CFAP44: variants seen among roughly 807,000 people sequenced by gnomAD.
The protein encoded by CFAP44 is cilia and flagella associated protein 44, also known as cilia- and flagella-associated protein 44.
Under a neutral mutation model 216.2 loss-of-function variants are expected in CFAP44, and 134 were observed. The observed-to-expected ratio is 0.62, with a 90% CI of 0.54 to 0.72. CFAP44 has a LOEUF of 0.72. Among genes scored for constraint, CFAP44 ranks in the 30% least tolerant of loss-of-function variants. CFAP44 has a pLI of 0.00. For missense variants in CFAP44, 2,035 were observed against 2,182.1 expected, an observed-to-expected ratio of 0.93 and a Z score of 1.34; for synonymous variants, 700 against 727.6, an observed-to-expected ratio of 0.96 and a Z score of 0.61.
At chr3:113,379,134 C>T (rs1197379143) in intron 17 of CFAP44, among the ~76,000 whole-genome samples, 172 bp downstream of exon 17, 1 of 151,802 alleles carries the variant, frequency 6.6e-6, no homozygotes, top group Non-Finnish European at 1.5e-5. Context: ...CAACTATATC[C>T]CACATTCATT....
chr3:113,386,644 T>C (rs1933656783), intron 15 of CFAP44, among the ~76,000 whole-genome samples: 1 of 152,166 alleles, frequency 6.6e-6, no homozygotes, highest in Admixed American at 6.5e-5. Context: ...CAGAGCAAGA[T>C]GGCTGATTAG....
Position 113,427,444 on chromosome 3 carries a change from TAATA to T in CFAP44, c.101-109_101-106del, listed in dbSNP as rs1266423383. ...CCTTGTGCTATAGATGTAATAAATC[TAATA>T]CATACTCAAAAATTTCTAGAAGAAT... On this transcript the variant is annotated intron_variant, in intron 2 of 34. Transcript: ENST00000393845. 1.8e-5 allele frequency: 14 copies of T among 773,334 alleles called. No homozygotes were observed. The Admixed American group carries it at 4.5e-4, about 25-fold the overall frequency. 47.9% of individuals were successfully genotyped at this position (773,334 alleles called of 1,614,324 possible).
chr3:113,328,713 A>ACAAAAC (rs1950213515), intron 26 of CFAP44, among the ~76,000 whole-genome samples: 1 of 149,354 alleles, frequency 6.7e-6, no homozygotes, highest in African/African-American at 2.5e-5. Context: ...AAAAAAAAAA[A>ACAAAAC]AAAAAAAAAA....
intron 5 of CFAP44, among the ~76,000 whole-genome samples, chr3:113,418,570 C>T (rs561166655): frequency 2.0e-5 from 3 of 152,154 alleles, no homozygotes; most frequent in Admixed American, 6.5e-5. Flanking sequence ...TGAGGTAACA[C>T]GGACAGTGGA....
intron 4 of CFAP44, 62 bp from the exon 5 acceptor site, chr3:113,420,241 T>G (rs1025894381): frequency 1.4e-6 from 2 of 1,459,260 alleles, no homozygotes; most frequent in Non-Finnish European, 1.8e-6. Context: ...ATTGGAAAAG[T>G]GATGAAATAA....
chr3:113,361,586 C>T (rs1464359958), intron 21 of CFAP44, among the ~76,000 whole-genome samples: 1 of 151,406 alleles, frequency 6.6e-6, no homozygotes, highest in African/African-American at 2.4e-5. Flanking sequence ...ACTCCACCTC[C>T]CAGGTTTCAC....
intron 22 of CFAP44, among the ~76,000 whole-genome samples, chr3:113,357,251 T>C (rs1425060420): frequency 3.3e-5 from 5 of 152,168 alleles, no homozygotes; most frequent in African/African-American, 7.2e-5. Context: ...CAAAAAGCTA[T>C]GTTGAGGCCC....
intron 30 of CFAP44, among the ~76,000 whole-genome samples, chr3:113,305,428 T>C (rs919978439): frequency 1.6e-4 from 24 of 152,342 alleles, no homozygotes; most frequent in African/African-American, 5.3e-4. Context: ...ATCTCCCTTT[T>C]ATTTTCTGCA....
Position 113,352,190 on chromosome 3 carries a change from G to A in CFAP44, c.3065+6555C>T, listed in dbSNP as rs562451011. Among the ~76,000 whole-genome samples, 79 of 152,286 alleles carry A rather than the reference G, an allele frequency of 5.2e-4. 1 individual carries two copies. Among genetic ancestry groups the A allele is most frequent in the Non-Finnish European group, 4.9e-4 (33 of 68,014 alleles). ...TGTGTCTAGCTAAAAGATTGTAAAT[G>A]CACAATCAGCACTCTGTAAAATGGA... On this transcript the variant is annotated intron_variant, in intron 22 of 34. Coordinates refer to ENST00000393845, the MANE Select transcript of CFAP44 (RefSeq NM_001164496.2).
chr3:113,389,124 TC>T (rs1440570716), intron 15 of CFAP44, among the ~76,000 whole-genome samples: 3 of 152,140 alleles, frequency 2.0e-5, no homozygotes, highest in African/African-American at 7.2e-5. Context: ...CATATGTTAG[TC>T]CACAAAACAA....
intron 17 of CFAP44, among the ~76,000 whole-genome samples, chr3:113,376,692 G>A (rs941456366): frequency 2.0e-4 from 30 of 152,164 alleles, no homozygotes; most frequent in African/African-American, 7.2e-4. Context: ...TATCCCAACT[G>A]GAATGGGTTG....
chr3:113,440,250 C>A (rs1460207636), intron 1 of CFAP44, among the ~76,000 whole-genome samples: 2 of 152,002 alleles, frequency 1.3e-5, no homozygotes, highest in South Asian at 4.2e-4. Context: ...TTTTAGTAGA[C>A]GGGTTTCCCC....
At chr3:113,366,486 G>A (rs1423626521) in intron 18 of CFAP44, among the ~76,000 whole-genome samples, 177 bp from the exon 19 acceptor site, 1 of 152,142 alleles carries the variant, frequency 6.6e-6, no homozygotes, top group Non-Finnish European at 1.5e-5. Context: ...ACTGCATTGT[G>A]ATAGGGCTTT....
intron 5 of CFAP44, 122 bp from the exon 6 acceptor site, chr3:113,416,749 T>A: frequency 1.6e-6 from 1 of 621,990 alleles, no homozygotes; most frequent in Non-Finnish European, 2.7e-6. Context: ...AATAGAAAAC[T>A]CAAAAATGGG....
At chr3:113,360,791 A>G (rs1229631760) in intron 21 of CFAP44, 2 of 163,086 alleles carry the variant, frequency 1.2e-5, no homozygotes, top group Admixed American at 1.3e-4. Context: ...GGATGAACAC[A>G]GTGCAGGGCA....
At chr3:113,421,215 G>T (rs1325549439) in intron 4 of CFAP44, among the ~76,000 whole-genome samples, 1 of 152,118 alleles carries the variant, frequency 6.6e-6, no homozygotes, top group Non-Finnish European at 1.5e-5. Context: ...AAGAAGACAT[G>T]CAAGCGACCA....
intron 2 of CFAP44, among the ~76,000 whole-genome samples, chr3:113,433,061 A>G (rs1472600320): frequency 1.3e-5 from 2 of 152,058 alleles, no homozygotes; most frequent in South Asian, 4.2e-4. Context: ...GACCATATGT[A>G]GTCCTTTTTC....
In CFAP44 at chr3:113,410,827, AATGATCACCATTCTAAC is replaced by A. The variant is rs540567889; in HGVS notation, c.674-1522_674-1506del. On this transcript the variant is annotated intron_variant, in intron 6 of 34. Coordinates refer to ENST00000393845, the MANE Select transcript of CFAP44 (RefSeq NM_001164496.2). ...AGCATCTGTTGTTTCCTGACTTTTT[AATGATCACCATTCTAAC>A]TGGTGTGAGATGGTATCTCATTGTG... Among the ~76,000 whole-genome samples the A allele has an allele frequency of 3.4e-3, 512 of 152,252 alleles. 2 individuals carry two copies. The highest frequency in any genetic ancestry group is 5.6e-3 in the Non-Finnish European group (381 of 68,006).
chr3:113,416,401 C>T (rs748281411), intron 6 of CFAP44, 124 bp downstream of exon 6: 42 of 735,826 alleles, frequency 5.7e-5, no homozygotes, highest in Non-Finnish European at 8.2e-5. Flanking sequence ...TTGAATAAAT[C>T]TCTTTTCTGT....
Sources: allele counts gnomAD v4.1 joint callset (sites outside exome capture counted in the v4.1 genomes callset), GRCh38; gene constraint gnomAD v4.1.1; transcripts MANE v1.5; gene names NCBI Gene and HGNC (gene_info 2026-07-23, HGNC 2026-07-21).